P2RX2: variants seen among roughly 807,000 people sequenced by gnomAD.
P2RX2 encodes P2X purinoceptor 2.
Under a neutral mutation model 54.8 loss-of-function variants are expected in P2RX2, and 50 were observed. That is an observed-to-expected ratio of 0.91 (90% CI 0.73 to 1.15). The LOEUF is 1.15. Among genes scored for constraint, P2RX2 ranks in the 50% most tolerant of loss-of-function variants. The probability of loss-of-function intolerance (pLI) is 0.00; values close to 1 mark genes in which losing one functional copy is unlikely to be tolerated. For missense variants in P2RX2, 658 were observed against 633.2 expected (o/e 1.04, Z -0.42); for synonymous variants, 289 against 259.4 (o/e 1.11, Z -1.09).
At chr12:132,620,685 G>A (rs942150966) in intron 7 of P2RX2, 102 bp downstream of exon 7, 5 of 1,290,538 alleles carry the variant, frequency 3.9e-6, no homozygotes, top group Non-Finnish European at 2.1e-6. Flanking sequence ...TGACCAGCTG[G>A]CCCCGCTCAG....
At chr12:132,619,969 C>G (rs1215368386) in intron 4 of P2RX2, 31 bp from the exon 5 acceptor site, 8 of 1,575,012 alleles carry the variant, frequency 5.1e-6, no homozygotes, top group Non-Finnish European at 6.9e-6. Context: ...GCTGCGTCCC[C>G]GCTAATGCCT....
In P2RX2 at chr12:132,621,881, C is replaced by T. The variant is rs1230191772; in HGVS notation, c.1325C>T (p.Ser442Phe). ...AFPPLRPCPI[S>F]APSEQMVDTP... ...CCGCCCCTGCGGCCTTGCCCCATCT[C>T]TGCCCCTTCTGAGCAGATGGTGGAC... Residue 442 changes from serine (S) to phenylalanine (F), a missense_variant, in exon 11 of 11, where the codon TCT becomes TTT. Transcript: ENST00000643471. 6.2e-7 allele frequency: 1 copy of T among 1,608,488 alleles called. No homozygotes were observed. Among genetic ancestry groups the T allele is most frequent in the Admixed American group, 1.7e-5 (1 of 59,756 alleles).
At position 132,620,289 on chromosome 12, in the gene P2RX2, C is replaced by G. The variant is rs1488591899; in HGVS notation, c.577C>G (p.Pro193Ala). The G allele has an allele frequency of 1.9e-6, 3 of 1,613,956 alleles. No individual in the cohort carries two copies. In the African/African-American group the frequency reaches 4.0e-5, roughly 22 times the overall value. The change falls in exon 6 of 11, where the codon CCA (proline) becomes GCA (alanine). Residue 193 changes from proline to alanine, a missense_variant. Transcript: ENST00000643471. ...CAGCCAATTTCTGGGTACGATGGCC[C>G]CAAATTTCACCATCCTCATCAAGAA... ...SVSQFLGTMA[P>A]NFTILIKNSI...
Position 132,622,184 on chromosome 12 carries a change from T to A in P2RX2, c.*212T>A. 7.0e-7 allele frequency: 1 copy of A among 1,431,542 alleles called. No homozygotes were observed. Among genetic ancestry groups the A allele is most frequent in the Non-Finnish European group, 9.1e-7 (1 of 1,097,900 alleles). The allele number at this position is 1,431,542 out of a possible 1,614,324, so 88.7% of individuals were successfully genotyped here. On this transcript the variant is annotated 3_prime_UTR_variant, in exon 11 of 11. Transcript: ENST00000643471. ...CAGCCCCTGACACCTCCTCCCCAGC[T>A]GGTCCCTACAGGGCTGCTCACTTCC... is the stretch of plus-strand genomic sequence containing the variant.
intron 4 of P2RX2, 36 bp from the exon 5 acceptor site, chr12:132,619,964 G>A (rs536114118): frequency 1.3e-6 from 2 of 1,573,934 alleles, no homozygotes; most frequent in African/African-American, 2.7e-5. Flanking sequence ...GCAGGGCTGC[G>A]TCCCCGCTAA....
At chr12:132,620,191 G>A (rs1383673673) in intron 5 of P2RX2, 76 bp from the exon 6 acceptor site, 8 of 1,509,794 alleles carry the variant, frequency 5.3e-6, no homozygotes, top group Non-Finnish European at 7.3e-6. Context: ...ACAAGATCTG[G>A]GGAGGGGTGG....
At chr12:132,621,438 C>T (rs533763078) in intron 9 of P2RX2, 37 bp from the exon 10 acceptor site, 21 of 1,579,768 alleles carry the variant, frequency 1.3e-5, no homozygotes, top group South Asian at 5.8e-5. Flanking sequence ...CATCAGACGC[C>T]GTCAGACATT....
chr12:132,620,559 G>A lies in P2RX2; in HGVS notation c.750G>A (p.Glu250=). The A allele has an allele frequency of 6.2e-7, 1 of 1,613,376 alleles. No homozygotes were observed. The highest frequency in any genetic ancestry group is 8.5e-7 in the Non-Finnish European group (1 of 1,179,968). ...KLGFIVEKAG[E]SFTELAHKGG... ...GCTTTATCGTGGAGAAGGCTGGGGA[G>A]AGCTTCACAGAGCTCGCACACAAGG... Residue 250 remains glutamate, a synonymous_variant, in exon 7 of 11, where the codon GAG becomes GAA. Transcript: ENST00000643471.
Position 132,621,549 on chromosome 12 carries a change from C to A in P2RX2, c.1062+9C>A, listed in dbSNP as rs779913347. On this transcript the variant is annotated intron_variant, in intron 10 of 10. Coordinates refer to ENST00000643471, the MANE Select transcript of P2RX2 (RefSeq NM_170682.4). ...TGACTTCCGTCGGGGTGGTAAGGAACCCTCTCTGGGGTCCCAGCGGGTGCG... is the reference window on the plus strand; with the variant it reads ...TGACTTCCGTCGGGGTGGTAAGGAAACCTCTCTGGGGTCCCAGCGGGTGCG... 1.3e-6 allele frequency: 2 copies of A among 1,583,270 alleles called. No homozygotes were observed. Among genetic ancestry groups the A allele is most frequent in the Non-Finnish European group, 1.7e-6 (2 of 1,162,966 alleles).
In P2RX2 at chr12:132,622,269, C is replaced by T. The variant is rs562057703; in HGVS notation, c.*297C>T. ...GCTGAGCTCTGAGGGGCTCTGCTCCCGGTCTTGGGCCCTGGGAACCCCACC... is the reference window on the plus strand; with the variant it reads ...GCTGAGCTCTGAGGGGCTCTGCTCCTGGTCTTGGGCCCTGGGAACCCCACC... On this transcript the variant is annotated 3_prime_UTR_variant, in exon 11 of 11. Coordinates refer to ENST00000643471, the MANE Select transcript of P2RX2 (RefSeq NM_170682.4). The T allele has an allele frequency of 4.5e-4, 594 of 1,309,998 alleles. No homozygotes were observed. The highest frequency in any genetic ancestry group is 1.9e-3 in the Admixed American group (51 of 26,852). The allele number at this position is 1,309,998 out of a possible 1,614,324, so 81.1% of individuals were successfully genotyped here. A position where few individuals can be genotyped will look rare whatever the true frequency, so the allele number is the denominator to read the frequency against.
chr12:132,621,162 T>A, intron 8 of P2RX2, 31 bp downstream of exon 8: 2 of 1,613,982 alleles, frequency 1.2e-6, no homozygotes, highest in Non-Finnish European at 1.7e-6. Flanking sequence ...CTGTCCACAC[T>A]GGCATAGCTG....
chr12:132,621,967 C>T lies in P2RX2; in HGVS notation c.1411C>T (p.Leu471Phe). The T allele has an allele frequency of 6.2e-7, 1 of 1,613,696 alleles. No homozygotes were observed. Among genetic ancestry groups the T allele is most frequent in the Non-Finnish European group, 8.5e-7 (1 of 1,180,024 alleles). ...CACAGACCCCAAAGGTTTGGCTCAACTCTGAGCTCCTTTCCATCTCACTGG... is the reference window on the plus strand; with the variant it reads ...CACAGACCCCAAAGGTTTGGCTCAATTCTGAGCTCCTTTCCATCTCACTGG... ...TPTDPKGLAQ[L>F] Residue 471 changes from leucine (L) to phenylalanine (F), a missense_variant, in exon 11 of 11, where the codon CTC becomes TTC. Leu to Phe is a conservative substitution (Grantham distance 22). Coordinates refer to ENST00000643471, the MANE Select transcript of P2RX2 (RefSeq NM_170682.4).
At chr12:132,621,210 C>A (rs1348106751) in intron 8 of P2RX2, 45 bp from the exon 9 acceptor site, 4 of 1,613,754 alleles carry the variant, frequency 2.5e-6, no homozygotes, top group Non-Finnish European at 3.4e-6. Context: ...TGTGGGGCAG[C>A]CCTGGAGTGC....
rs2041737527 is a variant in P2RX2 at position 132,622,296 on chromosome 12, C to T, written c.*324C>T. ...GTCTTGGGCCCTGGGAACCCCACCC[C>T]ACCCCACCCCACAGGCGTTGTAACC... On this transcript the variant is annotated 3_prime_UTR_variant, in exon 11 of 11. Coordinates refer to ENST00000643471, the MANE Select transcript of P2RX2 (RefSeq NM_170682.4). The T allele has an allele frequency of 3.5e-6, 4 of 1,129,424 alleles. No homozygotes were observed. Among genetic ancestry groups the T allele is most frequent in the Non-Finnish European group, 4.6e-6 (4 of 873,338 alleles). 70.0% of individuals were successfully genotyped at this position (1,129,424 alleles called of 1,614,324 possible).
Position 132,621,500 on chromosome 12 carries a change from C to T in P2RX2, c.1022C>T (p.Thr341Ile). The stretch of plus-strand genomic sequence containing the variant: ...GCCGGGAAGTTCAGCCTGATTCCCA[C>T]CATTATTAATCTGGCCACAGCTCTG... ...GQAGKFSLIP[T>I]IINLATALTS... is the part of the protein sequence containing the mutation. Residue 341 changes from threonine to isoleucine, a missense_variant, in exon 10 of 11, where the codon ACC becomes ATC. Thr to Ile is a moderately conservative substitution (Grantham distance 89, BLOSUM62 -1). Coordinates refer to ENST00000643471, the MANE Select transcript of P2RX2 (RefSeq NM_170682.4). The T allele has an allele frequency of 6.4e-7, 1 of 1,562,702 alleles. No homozygotes were observed. Among genetic ancestry groups the T allele is most frequent in the African/African-American group, 1.4e-5 (1 of 73,650 alleles).
In P2RX2 at chr12:132,620,020, G is replaced by T; in HGVS notation, c.478G>T (p.Val160Leu). 1 of 1,587,196 alleles carries T rather than the reference G, an allele frequency of 6.3e-7. No homozygotes were observed. ...CCCAGGCCTGAGGACTGGGCGCTGT[G>T]TGCCCTATTACCAGGGGCCCTCCAA... ...LGNGLRTGRC[V>L]PYYQGPSKTC... Residue 160 changes from valine (V) to leucine (L), a missense_variant, in exon 5 of 11, where the codon GTG (valine) becomes TTG (leucine). Transcript: ENST00000643471.
At chr12:132,619,268 G>A (rs1302895599) in intron 1 of P2RX2, 171 bp from the exon 2 acceptor site, 5 of 485,508 alleles carry the variant, frequency 1.0e-5, no homozygotes, top group Non-Finnish European at 1.6e-5. Context: ...AGGGGCTGGG[G>A]CTGGGACCGG....
At chr12:132,619,771 T>C (rs2041563960) in intron 3 of P2RX2, 21 bp downstream of exon 3, 8 of 1,610,082 alleles carry the variant, frequency 5.0e-6, no homozygotes, top group African/African-American at 1.3e-5. Context: ...CCCGCGGCGC[T>C]GGGGGACCCC....
At chr12:132,621,211 C>G (rs769788937) in intron 8 of P2RX2, 44 bp from the exon 9 acceptor site, 3 of 1,613,746 alleles carry the variant, frequency 1.9e-6, no homozygotes, top group Non-Finnish European at 2.5e-6. Flanking sequence ...GTGGGGCAGC[C>G]CTGGAGTGCA....
Sources: allele counts gnomAD v4.1 joint callset, GRCh38; gene constraint gnomAD v4.1.1; transcripts MANE v1.5; gene names NCBI Gene and HGNC (gene_info 2026-07-23, HGNC 2026-07-21).